The following MATK variants were observed in gnomAD, a reference collection of about 807,000 sequenced individuals.
The protein encoded by MATK is megakaryocyte-associated tyrosine kinase.
In MATK, 41 loss-of-function variants were observed where a neutral mutation model predicts 59.8. The ratio of observed to expected loss-of-function variants is 0.69; its 90% CI spans 0.53 to 0.89. The LOEUF is 0.89. Ranked by LOEUF, MATK falls within the 40% of genes least tolerant of loss-of-function variation. The pLI is 0.00. For missense variants in MATK, 593 were observed against 719.6 expected (o/e 0.82, Z 2.01); for synonymous variants, 308 against 306.1 (o/e 1.01, Z -0.06).
At chr19:3,799,961 T>G (rs1001542844) in intron 1 of MATK, among the ~76,000 whole-genome samples, 1 of 151,150 alleles carries the variant, frequency 6.6e-6, no homozygotes, top group African/African-American at 2.4e-5. Flanking sequence ...GCTGACACGG[T>G]GAAACCCCGT....
upstream of MATK, among the ~76,000 whole-genome samples, chr19:3,788,648 A>G (rs2037513242): frequency 6.9e-6 from 1 of 145,194 alleles, no homozygotes. Flanking sequence ...AAAAATAGAG[A>G]TGGGATCTGG....
chr19:3,795,160 G>A (rs2037582126), intron 1 of MATK, among the ~76,000 whole-genome samples: 2 of 150,462 alleles, frequency 1.3e-5, no homozygotes, highest in Admixed American at 1.3e-4. Context: ...TGCATTTTTA[G>A]TAGAGAAGGG....
rs1243397649 is a variant in MATK, at chr19:3,782,739, G to A, written c.676+387C>T. On this transcript the variant is annotated intron_variant, in intron 7 of 13. Coordinates refer to ENST00000310132, the MANE Select transcript of MATK (RefSeq NM_139355.3). ...CACTCAAGGCCTGGGCTGGAAGGGG[G>A]ACTCGCCCTCTGGGAAGGAGGCGGT... is the stretch of plus-strand genomic sequence containing the variant. 5 of 256,028 alleles carry A rather than the reference G, an allele frequency of 2.0e-5. No homozygotes were observed. In the East Asian group the frequency reaches 5.2e-4, roughly 27 times the overall value. The allele number at this position is 256,028 out of a possible 1,614,324, so 15.9% of individuals were successfully genotyped here.
chr19:3,792,510 CTTTTTTTTTTTTTT>C, intron 1 of MATK, among the ~76,000 whole-genome samples: 1 of 99,752 alleles, frequency 1.0e-5, no homozygotes, highest in Non-Finnish European at 1.8e-5. Context: ...ATTTCCAACT[CTTTTTTTTTTTTTT>C]TTTTTTTGAG....
chr19:3,789,826 G>A (rs543907128), upstream of MATK, among the ~76,000 whole-genome samples: 44 of 149,704 alleles, frequency 2.9e-4, no homozygotes, highest in African/African-American at 1.1e-3. Flanking sequence ...CCAGGTTCAA[G>A]CGATTCTCCT....
At position 3,786,372 on chromosome 19, in the gene MATK, C is replaced by T. The variant is rs1232347291; in HGVS notation, c.-355G>A. 1.0e-6 allele frequency: 1 copy of T among 982,606 alleles called. No homozygotes were observed. The highest frequency in any genetic ancestry group is 1.8e-5 in the African/African-American group (1 of 56,914). The allele number at this position is 982,606 out of a possible 1,614,324, so 60.9% of individuals were successfully genotyped here. ...GGGAGGCCCCCGCGGGTCCTAGCGC[C>T]GGCCGCACTGCGGTCTCCTCCGCGC... On this transcript the variant is annotated 5_prime_UTR_variant, in exon 1 of 14. Transcript: ENST00000310132. This position sits in a 1 kb window ranked among gnomAD's most constrained non-coding sequence, Gnocchi z 4.1.
chr19:3,779,796 A>G lies in MATK; in HGVS notation c.744T>C (p.Ala248=). 1 of 1,549,212 alleles carries G rather than the reference A, an allele frequency of 6.5e-7. No homozygotes were observed. Among genetic ancestry groups the G allele is most frequent in the Non-Finnish European group, 8.9e-7 (1 of 1,122,486 alleles). The change falls in exon 9 of 14, where the codon GCT becomes GCC. Residue 248 remains alanine, a splice_region_variant and synonymous_variant. Coordinates refer to ENST00000310132, the MANE Select transcript of MATK (RefSeq NM_139355.3). ...GCCCCAGGTACTCACCCTGCAGGACAGCTGGGGGGTGGGGGTGGGGAACGG... is the reference window on the plus strand; with the variant it reads ...GCCCCAGGTACTCACCCTGCAGGACGGCTGGGGGGTGGGGGTGGGGAACGG... ...GAQIGEGEFG[A]VLQGEYLGQK...
At position 3,785,266 on chromosome 19, in the gene MATK, G is replaced by A; in HGVS notation, c.-131C>T. ...GTAGGGAGCTGGGTGCCACTGGACCGAGCCTGGTTCTTCCTGTTTTCTGGT... is the reference window on the plus strand; with the variant it reads ...GTAGGGAGCTGGGTGCCACTGGACCAAGCCTGGTTCTTCCTGTTTTCTGGT... On this transcript the variant is annotated 5_prime_UTR_variant, in exon 2 of 14. Transcript: ENST00000310132. The A allele has an allele frequency of 3.9e-6, 6 of 1,531,962 alleles. No individual in the cohort carries two copies. The highest frequency in any genetic ancestry group is 4.8e-5 in the East Asian group (2 of 41,424). 94.9% of individuals were successfully genotyped at this position (1,531,962 alleles called of 1,614,324 possible).
At chr19:3,800,642 G>A (rs972868854) in intron 1 of MATK, among the ~76,000 whole-genome samples, 7 of 151,754 alleles carry the variant, frequency 4.6e-5, no homozygotes, top group African/African-American at 1.5e-4. Flanking sequence ...GCAAAACTCC[G>A]TCTTCAGAAA....
intron 1 of MATK, among the ~76,000 whole-genome samples, chr19:3,795,073 G>T (rs1294520276): frequency 2.0e-5 from 3 of 149,364 alleles, no homozygotes; most frequent in Non-Finnish European, 4.4e-5. Context: ...CACCTCCCAG[G>T]TTCACACCAT....
At chr19:3,784,080 T>C in intron 5 of MATK, 44 bp downstream of exon 5, 2 of 1,581,116 alleles carry the variant, frequency 1.3e-6, no homozygotes, top group Non-Finnish European at 1.7e-6. Flanking sequence ...GGAGGGGGGG[T>C]CACTTGCTGT....
intron 1 of MATK, 91 bp from the exon 2 acceptor site, chr19:3,785,377 G>A: frequency 1.1e-6 from 1 of 889,752 alleles, no homozygotes; most frequent in Non-Finnish European, 1.6e-6. Context: ...CTGGGGGCAG[G>A]GGCGGGTCCT....
Position 3,779,100 on chromosome 19 carries a change from G to C in MATK, c.1089C>G (p.Asp363Glu), listed in dbSNP as rs750037878. ...LAARNILVSEDLVAKVSDFGL... is the reference protein window; with the variant it reads ...LAARNILVSEELVAKVSDFGL... ...CAAAGTCGCTGACCTTGGCCACCAG[G>C]TCCTCTGAGACCAGGATGTTGCGGG... is the stretch of plus-strand genomic sequence containing the variant. Residue 363 changes from aspartate (D) to glutamate (E), a missense_variant, in exon 12 of 14, where the codon GAC becomes GAG. By Grantham distance (45) the Asp-to-Glu change is conservative. Transcript: ENST00000310132. The C allele has an allele frequency of 6.2e-7, 1 of 1,610,498 alleles. No individual in the cohort carries two copies. The highest frequency in any genetic ancestry group is 8.5e-7 in the Non-Finnish European group (1 of 1,179,508).
chr19:3,784,929 C>G (rs776282581), intron 2 of MATK, 45 bp from the exon 3 acceptor site: 1 of 1,429,512 alleles, frequency 7.0e-7, no homozygotes, highest in Admixed American at 1.9e-5. Flanking sequence ...CTGGGACCCA[C>G]GGTCCAGTTC....
intron 1 of MATK, among the ~76,000 whole-genome samples, chr19:3,794,343 C>G (rs901920110): frequency 2.6e-5 from 4 of 152,124 alleles, no homozygotes; most frequent in Admixed American, 2.0e-4. Context: ...CTTACAGAAG[C>G]AGATGAGAGG....
At chr19:3,790,448 C>T (rs954454430), upstream of MATK, among the ~76,000 whole-genome samples, 4 of 152,216 alleles carry the variant, frequency 2.6e-5, no homozygotes, top group African/African-American at 9.6e-5. Context: ...AGGTTTTCAC[C>T]TTTCACTGCA....
upstream of MATK, among the ~76,000 whole-genome samples, chr19:3,788,317 C>T (rs886941830): frequency 6.7e-5 from 10 of 150,118 alleles, no homozygotes; most frequent in Admixed American, 3.3e-4. Flanking sequence ...GGTGATACCC[C>T]GTCTCTACTA....
rs1407221674 is a variant in MATK, at chr19:3,784,400, G to A, written c.184C>T (p.Pro62Ser). The A allele has an allele frequency of 1.2e-6, 2 of 1,605,956 alleles. No individual in the cohort carries two copies. Among genetic ancestry groups the A allele is most frequent in the Admixed American group, 1.7e-5 (1 of 59,176 alleles). Residue 62 changes from proline to serine, a missense_variant, in exon 4 of 14, where the codon CCC (proline) becomes TCC (serine). By Grantham distance (74) the Pro-to-Ser change is moderately conservative (BLOSUM62 -1). Transcript: ENST00000310132. ...QCITKCEHTR[P>S]KPGELAFRKG... is the part of the protein sequence containing the mutation. ...CGGAAGGCCAGCTCCCCTGGCTTGG[G>A]GCGGGTGTGCTCGCATTTGGTGATA...
rs369223582 is a variant in MATK, at chr19:3,784,104, C to T, written c.362+20G>A. On this transcript the variant is annotated intron_variant, in intron 5 of 13. Coordinates refer to ENST00000310132, the MANE Select transcript of MATK (RefSeq NM_139355.3). ...GTCACTTGCTGTCCCCTACCCCAGGCCCCTGTCCTGCCCACTCACGGCATG... is the reference window on the plus strand; with the variant it reads ...GTCACTTGCTGTCCCCTACCCCAGGTCCCTGTCCTGCCCACTCACGGCATG... 214 of 1,598,266 alleles carry T rather than the reference C, an allele frequency of 1.3e-4. 1 individual carries two copies. Among genetic ancestry groups the T allele is most frequent in the South Asian group, 5.0e-4 (45 of 89,516 alleles).
Sources: allele counts gnomAD v4.1 joint callset (sites outside exome capture counted in the v4.1 genomes callset), GRCh38; gene constraint gnomAD v4.1.1; non-coding constraint Gnocchi (gnomAD v3.1); transcripts MANE v1.5; gene names NCBI Gene and HGNC (gene_info 2026-07-23, HGNC 2026-07-21).